AVL9: variants seen among roughly 807,000 people sequenced by gnomAD.
The protein encoded by AVL9 is late secretory pathway protein AVL9 homolog.
Under a neutral mutation model 79.2 loss-of-function variants are expected in AVL9, and 49 were observed. That is an observed-to-expected ratio of 0.62 (90% CI 0.49 to 0.79). The LOEUF (loss-of-function observed/expected upper bound fraction) is 0.79, where lower values mean the gene tolerates loss of function less well. Among genes scored for constraint, AVL9 ranks in the 30% least tolerant of loss-of-function variants. The probability of loss-of-function intolerance (pLI) is 0.00; values close to 1 mark genes in which losing one functional copy is unlikely to be tolerated. For missense variants in AVL9, 682 were observed against 776.8 expected (o/e 0.88, Z 1.45); for synonymous variants, 299 against 280.6 (o/e 1.07, Z -0.65).
Position 32,551,311 on chromosome 7 carries a change from T to C in AVL9, c.373-23T>C, listed in dbSNP as rs370779568. On this transcript the variant is annotated intron_variant, in intron 4 of 15. Transcript: ENST00000318709. ...TTATCAACTAATTATTAATCAATGGTAATTTCTCTTTTTTCCTTTAAGCCT... is the reference window on the plus strand; with the variant it reads ...TTATCAACTAATTATTAATCAATGGCAATTTCTCTTTTTTCCTTTAAGCCT... The C allele has an allele frequency of 7.6e-6, 11 of 1,453,494 alleles. No homozygotes were observed. In the African/African-American group the frequency reaches 1.5e-4, roughly 20 times the overall value. 90.0% of individuals were successfully genotyped at this position (1,453,494 alleles called of 1,614,324 possible).
In AVL9 at chr7:32,541,196, C is replaced by T. The variant is rs986232628; in HGVS notation, c.94-1945C>T. 4.3e-4 allele frequency among the ~76,000 whole-genome samples: 65 copies of T among 151,906 alleles called. 4 individuals carry two copies. The highest frequency in any genetic ancestry group is 5.9e-5 in the Non-Finnish European group (4 of 67,984). ...GATTACAGGCGTGAGCCACCGCGCC[C>T]GGCCTGTACTACTTTTTTTAGAATT... On this transcript the variant is annotated intron_variant, in intron 1 of 15. Coordinates refer to ENST00000318709, the MANE Select transcript of AVL9 (RefSeq NM_015060.3).
At position 32,559,135 on chromosome 7, in the gene AVL9, C is replaced by G. The variant is rs767687849; in HGVS notation, c.886C>G (p.Pro296Ala). 6.8e-6 allele frequency: 11 copies of G among 1,613,974 alleles called. No individual in the cohort carries two copies. The highest frequency in any genetic ancestry group is 1.7e-4 in the Middle Eastern group (1 of 6,060). Residue 296 changes from proline (P) to alanine (A), a missense_variant, in exon 10 of 16, where the codon CCT (proline) becomes GCT (alanine). Physicochemically the swap from Pro to Ala is conservative, Grantham distance 27. Coordinates refer to ENST00000318709, the MANE Select transcript of AVL9 (RefSeq NM_015060.3). ...GEDAAMKTEE[P>A]LFQVEDSSKG... Reference sequence around the variant, plus strand: ...AGATGCTGCCATGAAGACTGAGGAGCCTTTGTTCCAAGTGGAAGACAGCAG... The same window carrying G: ...AGATGCTGCCATGAAGACTGAGGAGGCTTTGTTCCAAGTGGAAGACAGCAG...
intron 1 of AVL9, among the ~76,000 whole-genome samples, chr7:32,503,367 T>TACACACACAC (rs1278670017): frequency 0.036 from 3,165 of 88,196 alleles, 110 homozygotes; most frequent in Non-Finnish European, 0.048. Context: ...GAGAGATATA[T>TACACACACAC]ATATATACAC....
chr7:32,567,289 A>G (rs1328321405), intron 10 of AVL9, among the ~76,000 whole-genome samples: 1 of 152,100 alleles, frequency 6.6e-6, no homozygotes, highest in Non-Finnish European at 1.5e-5. Flanking sequence ...ATTGGTAGAA[A>G]TGGAGTTTCA....
chr7:32,580,844 C>G lies in AVL9; in HGVS notation c.1785C>G (p.Val595=). 1 of 1,613,908 alleles carries G rather than the reference C, an allele frequency of 6.2e-7. No homozygotes were observed. Among genetic ancestry groups the G allele is most frequent in the Non-Finnish European group, 8.5e-7 (1 of 1,179,942 alleles). Reference sequence around the variant, plus strand: ...AACGTGGCAAAAAAATTGGAAACGTCATGGTCACAACTAGCCGGAATGTTG... The same window carrying G: ...AACGTGGCAAAAAAATTGGAAACGTGATGGTCACAACTAGCCGGAATGTTG... The part of the protein sequence containing the change: ...NSERGKKIGN[V]MVTTSRNVVQ... The change falls in exon 15 of 16, where the codon GTC becomes GTG. Residue 595 remains valine (V), a synonymous_variant. Transcript: ENST00000318709.
At chr7:32,516,766 T>TAAAA (rs33970150) in intron 1 of AVL9, among the ~76,000 whole-genome samples, 78 of 134,350 alleles carry the variant, frequency 5.8e-4, no homozygotes, top group Middle Eastern at 7.8e-3. Context: ...CCTAGGCCTT[T>TAAAA]AAAAAAAAAA....
chr7:32,580,078 G>C (rs535340047), intron 13 of AVL9, 141 bp from the exon 14 acceptor site: 1 of 643,478 alleles, frequency 1.6e-6, no homozygotes, highest in East Asian at 2.9e-5. Context: ...TGTGACCAAA[G>C]CCAAGTTTCC....
intron 15 of AVL9, among the ~76,000 whole-genome samples, chr7:32,582,569 G>A (rs555779714): frequency 6.6e-6 from 1 of 152,076 alleles, no homozygotes; most frequent in Non-Finnish European, 1.5e-5. Flanking sequence ...ATCATTATAC[G>A]TTATTATTTT....
intron 14 of AVL9, 23 bp from the exon 15 acceptor site, chr7:32,580,779 C>A (rs747109579): frequency 1.9e-6 from 3 of 1,589,566 alleles, no homozygotes; most frequent in Non-Finnish European, 2.6e-6. Flanking sequence ...CCTAACACTT[C>A]TTTTATCTTA....
intron 1 of AVL9, among the ~76,000 whole-genome samples, chr7:32,517,384 C>A (rs1336611509): frequency 6.6e-6 from 1 of 151,592 alleles, no homozygotes; most frequent in Non-Finnish European, 1.5e-5. Context: ...CAGCTCACTG[C>A]AAACTCTGTC....
intron 1 of AVL9, among the ~76,000 whole-genome samples, chr7:32,526,405 G>A (rs931819010): frequency 6.6e-6 from 1 of 152,178 alleles, no homozygotes; most frequent in Non-Finnish European, 1.5e-5. Flanking sequence ...GGCAAGAAGA[G>A]ACAAACCGGG....
intron 1 of AVL9, among the ~76,000 whole-genome samples, chr7:32,521,001 C>T (rs1486007060): frequency 2.6e-5 from 4 of 152,012 alleles, no homozygotes; most frequent in African/African-American, 9.7e-5. Context: ...TGCTTTTGCT[C>T]CTTCCTTATT....
chr7:32,507,396 CTT>C (rs1787456882), intron 1 of AVL9, among the ~76,000 whole-genome samples: 1 of 152,220 alleles, frequency 6.6e-6, no homozygotes, highest in Admixed American at 6.5e-5. Flanking sequence ...AGAAGCGACT[CTT>C]GTGTCCTTTC....
At chr7:32,559,961 T>C (rs1159889636) in intron 10 of AVL9, 1 of 152,244 alleles carries the variant, frequency 6.6e-6, no homozygotes, top group Non-Finnish European at 1.5e-5. Context: ...AATGTACATA[T>C]CTTAATTTAA....
At chr7:32,549,819 C>T (rs1789720520) in intron 4 of AVL9, among the ~76,000 whole-genome samples, 1 of 150,724 alleles carries the variant, frequency 6.6e-6, no homozygotes, top group Admixed American at 6.6e-5. Flanking sequence ...ATTCAGGAGG[C>T]TGAGGCAGGA....
Position 32,543,015 on chromosome 7 carries a change from A to G in AVL9, c.94-126A>G, listed in dbSNP as rs1789288246. ...TGCCATAGGTTTGCTGATGATATCA[A>G]ATGACATTATACAGTGTGGCTTATC... On this transcript the variant is annotated intron_variant, in intron 1 of 15. Transcript: ENST00000318709. The G allele has an allele frequency of 5.0e-6, 6 of 1,206,582 alleles. 1 individual carries two copies. In the Admixed American group the frequency reaches 9.2e-5, roughly 19 times the overall value. The allele number at this position is 1,206,582 out of a possible 1,614,324, so 74.7% of individuals were successfully genotyped here.
chr7:32,583,417 G>C (rs1329410860), intron 15 of AVL9, among the ~76,000 whole-genome samples: 1 of 152,170 alleles, frequency 6.6e-6, no homozygotes, highest in Non-Finnish European at 1.5e-5. Flanking sequence ...ACATTTATTG[G>C]CTGGGCACAG....
chr7:32,576,149 T>G (rs1562799601), intron 13 of AVL9, 77 bp downstream of exon 13: 1 of 973,702 alleles, frequency 1.0e-6, no homozygotes, highest in Non-Finnish European at 1.6e-6. Context: ...AAATCTATTT[T>G]AACTTTGATA....
At position 32,574,280 on chromosome 7, in the gene AVL9, G is replaced by A. The variant is rs558005478; in HGVS notation, c.1570+862G>A. Among the ~76,000 whole-genome samples, 11 of 152,002 alleles carry A rather than the reference G, an allele frequency of 7.2e-5. No individual in the cohort carries two copies. In the South Asian group the frequency reaches 2.3e-3, roughly 32 times the overall value. On this transcript the variant is annotated intron_variant, in intron 12 of 15. Transcript: ENST00000318709. ...CATGCTCCCAGGTTAGTTGTTTACA[G>A]TGCACATAGGAGTTTTAAAGTAGGT...
Sources: gnomAD v4.1 joint callset for allele counts (sites outside exome capture counted in the v4.1 genomes callset) on GRCh38, gnomAD v4.1.1 for gene constraint, MANE v1.5 for transcripts, NCBI Gene and HGNC (gene_info 2026-07-23, HGNC 2026-07-21) for gene names.